Variants in CAMKK2 observed in about 807,000 individuals in gnomAD.
CAMKK2 encodes calcium/calmodulin dependent protein kinase kinase 2.
In CAMKK2, 30 loss-of-function variants were observed where a neutral mutation model predicts 67.2. That is an observed-to-expected ratio of 0.45 (90% CI 0.33 to 0.61). The LOEUF (loss-of-function observed/expected upper bound fraction) is 0.61. Among genes scored for constraint, CAMKK2 ranks in the 20% least tolerant of loss-of-function variants. The probability of loss-of-function intolerance (pLI) is 0.02; values close to 1 mark genes in which losing one functional copy is unlikely to be tolerated. For synonymous variants in CAMKK2, 322 were observed against 326.2 expected (o/e 0.99, Z 0.14); for missense variants, 643 against 802.0 (o/e 0.80, Z 2.39).
At chr12:121,257,033 G>A (rs76307426) in intron 7 of CAMKK2, among the ~76,000 whole-genome samples, 1 of 136,464 alleles carries the variant, frequency 7.3e-6, no homozygotes, top group Non-Finnish European at 1.6e-5. Flanking sequence ...AAAAAAAAAA[G>A]AGCACAGTCG....
intron 14 of CAMKK2, among the ~76,000 whole-genome samples, chr12:121,246,060 GC>G (rs1456055477): frequency 6.6e-6 from 1 of 152,100 alleles, no homozygotes; most frequent in African/African-American, 2.4e-5. Flanking sequence ...GACACAGAGG[GC>G]AGGTGAGTGG....
At chr12:121,271,434 G>A (rs989244086) in intron 2 of CAMKK2, among the ~76,000 whole-genome samples, 35 of 152,138 alleles carry the variant, frequency 2.3e-4, no homozygotes, top group African/African-American at 7.9e-4. Context: ...TTCTAACAAC[G>A]CTGATTTTGC....
chr12:121,246,788 T>C (rs1417517102), intron 14 of CAMKK2, among the ~76,000 whole-genome samples: 37 of 151,878 alleles, frequency 2.4e-4, no homozygotes, highest in Admixed American at 2.4e-3. Context: ...TCTTCCCAGG[T>C]CCATCTTTCT....
At chr12:121,241,461 T>C (rs1278836709) in intron 16 of CAMKK2, among the ~76,000 whole-genome samples, 1 of 152,188 alleles carries the variant, frequency 6.6e-6, no homozygotes, top group Non-Finnish European at 1.5e-5. Context: ...AGGAGGCCCC[T>C]TCCCTCTTGG....
At chr12:121,296,771 G>A (rs1395880173), upstream of CAMKK2, 4 of 146,678 alleles carry the variant, frequency 2.7e-5, no homozygotes, top group East Asian at 7.9e-4. This position sits in a 1 kb window ranked among gnomAD's most constrained non-coding sequence, Gnocchi z 7.1. Context: ...GGGGGCGGGA[G>A]GAGCCGCCCG....
intron 14 of CAMKK2, among the ~76,000 whole-genome samples, chr12:121,248,301 C>A (rs1183258235): frequency 2.0e-5 from 3 of 152,212 alleles, no homozygotes; most frequent in Admixed American, 6.5e-5. Context: ...GAGACCTGGG[C>A]TCCGGCTCCC....
At chr12:121,252,904 C>T (rs960009275) in intron 10 of CAMKK2, among the ~76,000 whole-genome samples, 190 bp from the exon 11 acceptor site, 1 of 152,156 alleles carries the variant, frequency 6.6e-6, no homozygotes, top group Admixed American at 6.5e-5. Context: ...CCCCCAGCCA[C>T]AGTGATTGGT....
chr12:121,274,125 C>G lies in CAMKK2; in HGVS notation c.402G>C (p.Pro134=). The G allele has an allele frequency of 6.4e-7, 1 of 1,571,662 alleles. No individual in the cohort carries two copies. Among genetic ancestry groups the G allele is most frequent in the South Asian group, 1.2e-5 (1 of 86,036 alleles). Residue 134 remains proline (P), a synonymous_variant, in exon 2 of 17, where the codon CCG becomes CCC. Coordinates refer to ENST00000404169, the MANE Select transcript of CAMKK2 (RefSeq NM_001270485.2). ...GCCGGGGCAGCCGAGGCGAGGACTGCGGGGAGCTGACGGGTGAGTAGGGCA... is the reference window on the plus strand; with the variant it reads ...GCCGGGGCAGCCGAGGCGAGGACTGGGGGGAGCTGACGGGTGAGTAGGGCA... ...PSLPYSPVSS[P]QSSPRLPRRP... is the part of the protein sequence containing the mutation.
Position 121,238,036 on chromosome 12 carries a change from C to G in CAMKK2, c.*2663G>C, listed in dbSNP as rs1887825496. ...CCACTCGGCAACGTGAAGCTCCCCG[C>G]TGGAAGACAAGTGAGAGCGACAGGC... On this transcript the variant is annotated 3_prime_UTR_variant, in exon 17 of 17. Coordinates refer to ENST00000404169, the MANE Select transcript of CAMKK2 (RefSeq NM_001270485.2). 1 of 152,656 alleles carries G rather than the reference C, an allele frequency of 6.6e-6. No individual in the cohort carries two copies. The highest frequency in any genetic ancestry group is 6.5e-5 in the Admixed American group (1 of 15,292). The allele number at this position is 152,656 out of a possible 1,614,324, so 9.5% of individuals were successfully genotyped here.
chr12:121,283,217 G>A (rs1376479014), intron 1 of CAMKK2, among the ~76,000 whole-genome samples: 1 of 152,228 alleles, frequency 6.6e-6, no homozygotes. Context: ...AGACCTGAGA[G>A]GCTCGGCTGC....
At chr12:121,266,214 G>A (rs764272106) in intron 5 of CAMKK2, among the ~76,000 whole-genome samples, 18 of 152,210 alleles carry the variant, frequency 1.2e-4, no homozygotes, top group African/African-American at 2.6e-4. Flanking sequence ...GTGAGCCACC[G>A]CTCCCGGCCT....
intron 10 of CAMKK2, 61 bp from the exon 11 acceptor site, chr12:121,252,775 T>A (rs1208833807): frequency 6.4e-7 from 1 of 1,561,678 alleles, no homozygotes; most frequent in Non-Finnish European, 8.8e-7. Flanking sequence ...AATCCTCCAG[T>A]TTTCCTTTGG....
intron 1 of CAMKK2, among the ~76,000 whole-genome samples, chr12:121,276,677 GTC>G (rs944852071): frequency 6.6e-6 from 1 of 151,952 alleles, no homozygotes; most frequent in Non-Finnish European, 1.5e-5. Context: ...ATCACAAAGG[GTC>G]TCTCTGGACC....
chr12:121,248,304 C>T (rs184047116), intron 14 of CAMKK2, among the ~76,000 whole-genome samples: 30 of 152,320 alleles, frequency 2.0e-4, no homozygotes, highest in African/African-American at 6.5e-4. Context: ...ACCTGGGCTC[C>T]GGCTCCCAAC....
chr12:121,256,914 T>C (rs977749700), intron 7 of CAMKK2, among the ~76,000 whole-genome samples: 1 of 152,166 alleles, frequency 6.6e-6, no homozygotes, highest in Admixed American at 6.6e-5. Context: ...TTGGTTCTTT[T>C]GGGTATATAC....
intron 1 of CAMKK2, among the ~76,000 whole-genome samples, chr12:121,284,436 T>C (rs1395316950): frequency 1.3e-5 from 2 of 152,162 alleles, no homozygotes; most frequent in East Asian, 3.9e-4. Context: ...GCAATTCTCC[T>C]GCTTCAGCTT....
chr12:121,265,893 C>G (rs1010384318), intron 5 of CAMKK2, among the ~76,000 whole-genome samples: 1 of 151,684 alleles, frequency 6.6e-6, no homozygotes, highest in Non-Finnish European at 1.5e-5. Context: ...AAAGAGCTGT[C>G]TAGCCCCTCT....
chr12:121,270,231 G>A (rs562472421), intron 3 of CAMKK2, among the ~76,000 whole-genome samples: 83 of 152,140 alleles, frequency 5.5e-4, no homozygotes, highest in African/African-American at 2.0e-3. Context: ...TTAGCCAGGT[G>A]TGGTGGTGCA....
intron 14 of CAMKK2, among the ~76,000 whole-genome samples, chr12:121,247,413 G>A (rs1889714764): frequency 6.6e-6 from 1 of 152,190 alleles, no homozygotes; most frequent in Admixed American, 6.5e-5. Context: ...CAGACCTCCA[G>A]GGCCAGACGC....
Sources: gnomAD v4.1 joint callset for allele counts (sites outside exome capture counted in the v4.1 genomes callset) on GRCh38, gnomAD v4.1.1 for gene constraint, Gnocchi (gnomAD v3.1) non-coding constraint, MANE v1.5 for transcripts, NCBI Gene and HGNC (gene_info 2026-07-23, HGNC 2026-07-21) for gene names.